Variants in PAPPA2 observed in about 807,000 individuals in gnomAD.
PAPPA2 encodes the protein pappalysin 2, also known as pappalysin-2.
A neutral mutation model predicts 176.4 loss-of-function variants in PAPPA2; 86 were observed. That is an observed-to-expected ratio of 0.49 (90% CI 0.41 to 0.58). The LOEUF (loss-of-function observed/expected upper bound fraction) is 0.58. Ranked by LOEUF, PAPPA2 falls within the 20% of genes least tolerant of loss-of-function variation. The pLI is 0.00. For synonymous variants in PAPPA2, 809 were observed against 852.2 expected (o/e 0.95, Z 0.88); for missense variants, 2,073 against 2,256.9 (o/e 0.92, Z 1.65).
At chr1:176,582,289 A>C (rs1653033974) in intron 2 of PAPPA2, among the ~76,000 whole-genome samples, 1 of 151,952 alleles carries the variant, frequency 6.6e-6, no homozygotes, top group East Asian at 1.9e-4. Flanking sequence ...GCTTCTTTCC[A>C]ATTTGGATGC....
At chr1:176,502,655 C>T (rs1648031539) in intron 1 of PAPPA2, among the ~76,000 whole-genome samples, 1 of 152,146 alleles carries the variant, frequency 6.6e-6, no homozygotes. Context: ...GCAATCTCTC[C>T]ATATGAAAGG....
chr1:176,571,017 C>T lies in PAPPA2; in HGVS notation c.919+13776C>T, dbSNP rs557783592. On this transcript the variant is annotated intron_variant, in intron 2 of 22. Coordinates refer to ENST00000367662, the MANE Select transcript of PAPPA2 (RefSeq NM_020318.3). ...AAGCCTTCAGATTGTCTGTAGGCTT[C>T]TGGGGGCTTCTGTGGATCTCCATCA... Among the ~76,000 whole-genome samples, 552 of 152,264 alleles carry T rather than the reference C, an allele frequency of 3.6e-3. 1 individual carries two copies. The highest frequency in any genetic ancestry group is 6.5e-3 in the Non-Finnish European group (440 of 68,028).
At chr1:176,619,208 T>C (rs16850030) in intron 3 of PAPPA2, among the ~76,000 whole-genome samples, 5,508 of 152,294 alleles carry the variant, frequency 0.036, 337 homozygotes, top group African/African-American at 0.13. Flanking sequence ...ATTAGTACCA[T>C]CTTTCACATG....
At chr1:176,622,353 C>T (rs1655644292) in intron 3 of PAPPA2, among the ~76,000 whole-genome samples, 1 of 152,054 alleles carries the variant, frequency 6.6e-6, no homozygotes, top group South Asian at 2.1e-4. Context: ...ATGCAACAAC[C>T]TGAATCTCTC....
At chr1:176,814,405 C>T (rs1571365831) in intron 21 of PAPPA2, among the ~76,000 whole-genome samples, 2 of 152,238 alleles carry the variant, frequency 1.3e-5, no homozygotes, top group South Asian at 4.1e-4. Context: ...ATTGATTCTT[C>T]CCATCCATGA....
In PAPPA2 at chr1:176,614,190, G is replaced by A. The variant is rs540775395; in HGVS notation, c.1991+18595G>A. On this transcript the variant is annotated intron_variant, in intron 3 of 22. Transcript: ENST00000367662. ...GCAGTTGGATAGTGAAGGGAAAGAG[G>A]GGAATGAAAGGAGGCACTTTGTCTT... 1.0e-3 allele frequency among the ~76,000 whole-genome samples: 155 copies of A among 152,096 alleles called. 2 individuals carry two copies. The South Asian group carries it at 0.032, about 31-fold the overall frequency.
At chr1:176,724,995 C>A (rs1661798769) in intron 12 of PAPPA2, among the ~76,000 whole-genome samples, 1 of 152,040 alleles carries the variant, frequency 6.6e-6, no homozygotes, top group Non-Finnish European at 1.5e-5. Context: ...CTCTCTACAC[C>A]AGGGTTTTGG....
At chr1:176,767,909 TAA>T (rs929269898) in intron 15 of PAPPA2, among the ~76,000 whole-genome samples, 4 of 152,160 alleles carry the variant, frequency 2.6e-5, no homozygotes, top group African/African-American at 4.8e-5. Context: ...GAACCGAAAC[TAA>T]ACAGAAAAAT....
At chr1:176,728,069 A>G (rs965774880) in intron 12 of PAPPA2, among the ~76,000 whole-genome samples, 2 of 151,988 alleles carry the variant, frequency 1.3e-5, no homozygotes, top group Admixed American at 6.5e-5. Context: ...AAGATCAACA[A>G]TCAGAGTTTC....
chr1:176,778,621 C>A (rs959149462), intron 17 of PAPPA2, among the ~76,000 whole-genome samples: 5 of 152,110 alleles, frequency 3.3e-5, no homozygotes, highest in African/African-American at 1.2e-4. Context: ...AAGTAATCTA[C>A]CTAATTGTTA....
chr1:176,623,645 T>A (rs1200481425), intron 3 of PAPPA2, among the ~76,000 whole-genome samples: 1 of 129,962 alleles, frequency 7.7e-6, no homozygotes, highest in Non-Finnish European at 1.6e-5. Context: ...CTTTCTTTCT[T>A]TCTTTCTTTC....
chr1:176,566,489 C>A (rs948873462), intron 2 of PAPPA2, among the ~76,000 whole-genome samples: 1 of 152,124 alleles, frequency 6.6e-6, no homozygotes, highest in African/African-American at 2.4e-5. Flanking sequence ...TTTGACTGAC[C>A]CAGGTGGCAC....
intron 12 of PAPPA2, among the ~76,000 whole-genome samples, chr1:176,716,602 CTTTTTTT>C (rs71299410): frequency 8.7e-6 from 1 of 114,828 alleles, no homozygotes; most frequent in Non-Finnish European, 1.7e-5. Flanking sequence ...TTCCTTCCTT[CTTTTTTT>C]TTTTTTTTTT....
At chr1:176,495,593 G>T (rs1446504408) in intron 1 of PAPPA2, among the ~76,000 whole-genome samples, 1 of 151,726 alleles carries the variant, frequency 6.6e-6, no homozygotes, top group Non-Finnish European at 1.5e-5. Context: ...CTAGAGGATG[G>T]TGACTAGGAT....
intron 1 of PAPPA2, among the ~76,000 whole-genome samples, chr1:176,554,808 C>T (rs772445421): frequency 4.6e-5 from 7 of 152,110 alleles, no homozygotes; most frequent in Admixed American, 1.3e-4. Flanking sequence ...CTCCCATGTC[C>T]GATTTAAAGT....
chr1:176,699,722 G>A (rs973070519), intron 8 of PAPPA2, 133 bp downstream of exon 8: 75 of 1,391,640 alleles, frequency 5.4e-5, no homozygotes, highest in Admixed American at 5.1e-4. Flanking sequence ...GGATTTTACC[G>A]TAAAGTGGCA....
intron 8 of PAPPA2, among the ~76,000 whole-genome samples, chr1:176,701,653 T>C (rs1660655622): frequency 6.6e-6 from 1 of 152,160 alleles, no homozygotes; most frequent in Admixed American, 6.5e-5. Context: ...GGAGGCTTTG[T>C]GGGTGAGTTG....
intron 4 of PAPPA2, among the ~76,000 whole-genome samples, chr1:176,672,532 A>G (rs1431138371): frequency 6.6e-6 from 1 of 152,094 alleles, no homozygotes; most frequent in African/African-American, 2.4e-5. Context: ...CCAGTGTTGT[A>G]GATTGGGGAA....
chr1:176,486,374 G>T (rs1652645049), intron 1 of PAPPA2, among the ~76,000 whole-genome samples: 1 of 152,178 alleles, frequency 6.6e-6, no homozygotes, highest in Non-Finnish European at 1.5e-5. Flanking sequence ...GGATATTTTA[G>T]AGATGGTATA....
Sources: gnomAD v4.1 joint callset for allele counts (sites outside exome capture counted in the v4.1 genomes callset) on GRCh38, gnomAD v4.1.1 for gene constraint, MANE v1.5 for transcripts, NCBI Gene and HGNC (gene_info 2026-07-23, HGNC 2026-07-21) for gene names.